Variants in CCDC178 observed in about 807,000 individuals in gnomAD.
The protein encoded by CCDC178 is coiled-coil domain-containing protein 178.
A neutral mutation model predicts 117.4 loss-of-function variants in CCDC178; 126 were observed. The ratio of observed to expected loss-of-function variants is 1.07; its 90% CI spans 0.93 to 1.24. The LOEUF (loss-of-function observed/expected upper bound fraction) is 1.24, where lower values mean the gene tolerates loss of function less well. Ranked by LOEUF, CCDC178 falls within the 50% of genes most tolerant of loss-of-function variation. The pLI is 0.00. For synonymous variants in CCDC178, 283 were observed against 313.4 expected, an observed-to-expected ratio of 0.90 and a Z score of 1.02; for missense variants, 1,030 against 986.9, an observed-to-expected ratio of 1.04 and a Z score of -0.59.
At chr18:32,979,773 T>G (rs1467367723) in intron 21 of CCDC178, among the ~76,000 whole-genome samples, 1 of 152,102 alleles carries the variant, frequency 6.6e-6, no homozygotes, top group Non-Finnish European at 1.5e-5. Flanking sequence ...GAGACAACTG[T>G]GAAACAAGAG....
At chr18:33,061,875 TG>T (rs1181512019) in intron 21 of CCDC178, among the ~76,000 whole-genome samples, 3 of 152,204 alleles carry the variant, frequency 2.0e-5, no homozygotes, top group Admixed American at 1.3e-4. Context: ...TGAAAATCTC[TG>T]ATTCAAATCA....
At chr18:33,394,594 T>C (rs1401010713) in intron 4 of CCDC178, among the ~76,000 whole-genome samples, 1 of 151,860 alleles carries the variant, frequency 6.6e-6, no homozygotes, top group Non-Finnish European at 1.5e-5. Flanking sequence ...AAAGTGTTAA[T>C]GCTCATCAAA....
intron 22 of CCDC178, among the ~76,000 whole-genome samples, chr18:32,968,265 A>T (rs2054857584): frequency 2.0e-5 from 3 of 151,908 alleles, no homozygotes; most frequent in Admixed American, 2.0e-4. Context: ...TCTGTGTCTG[A>T]CTTATTTTAC....
intron 21 of CCDC178, among the ~76,000 whole-genome samples, chr18:33,018,435 T>TA (rs2056042563): frequency 6.6e-6 from 1 of 152,056 alleles, no homozygotes; most frequent in Non-Finnish European, 1.5e-5. Flanking sequence ...AAGAGAAGTG[T>TA]AAAGGTATGT....
chr18:33,402,038 G>A (rs1446218508), intron 3 of CCDC178, among the ~76,000 whole-genome samples: 6 of 152,120 alleles, frequency 3.9e-5, no homozygotes, highest in Non-Finnish European at 8.8e-5. Context: ...AGTTGAATGT[G>A]AGGTACATTT....
intron 12 of CCDC178, among the ~76,000 whole-genome samples, chr18:33,274,624 A>G (rs781067915): frequency 1.4e-4 from 21 of 152,190 alleles, no homozygotes; most frequent in African/African-American, 3.8e-4. Flanking sequence ...CTTGAAAACC[A>G]GGGTCTATTG....
chr18:33,340,371 T>G (rs1196847533), intron 9 of CCDC178, among the ~76,000 whole-genome samples: 1 of 152,144 alleles, frequency 6.6e-6, no homozygotes, highest in African/African-American at 2.4e-5. Flanking sequence ...GCATAAAAGT[T>G]CAGAAAATTT....
intron 20 of CCDC178, among the ~76,000 whole-genome samples, chr18:33,147,171 G>T (rs913445350): frequency 6.4e-5 from 8 of 124,496 alleles, no homozygotes; most frequent in Non-Finnish European, 1.2e-4. Flanking sequence ...GTAAGGAACA[G>T]AAATTTATTT....
At chr18:33,368,318 T>C (rs1355023521) in intron 6 of CCDC178, among the ~76,000 whole-genome samples, 2 of 151,884 alleles carry the variant, frequency 1.3e-5, no homozygotes, top group Admixed American at 6.6e-5. Context: ...AATAGAAAGG[T>C]TCTGTTTTAG....
chr18:32,939,676 AG>A (rs1221021125), intron 22 of CCDC178, among the ~76,000 whole-genome samples: 1 of 152,154 alleles, frequency 6.6e-6, no homozygotes, highest in Non-Finnish European at 1.5e-5. Context: ...GACAACACAC[AG>A]GAAAAATCCA....
At chr18:33,014,004 C>G (rs915848974) in intron 21 of CCDC178, among the ~76,000 whole-genome samples, 3 of 152,120 alleles carry the variant, frequency 2.0e-5, no homozygotes, top group African/African-American at 7.2e-5. Context: ...GAAAATTAAC[C>G]AACATCCTTG....
chr18:33,086,353 C>T (rs542450156), intron 21 of CCDC178, among the ~76,000 whole-genome samples: 38 of 150,054 alleles, frequency 2.5e-4, no homozygotes, highest in Admixed American at 1.1e-3. Context: ...GACATAGTTG[C>T]CTCTTATTCT....
intron 11 of CCDC178, among the ~76,000 whole-genome samples, chr18:33,307,970 T>C (rs1308357159): frequency 6.6e-6 from 1 of 152,208 alleles, no homozygotes; most frequent in Non-Finnish European, 1.5e-5. Flanking sequence ...GGCAGAGCCC[T>C]CATGGAGAAC....
intron 7 of CCDC178, among the ~76,000 whole-genome samples, chr18:33,350,865 A>T (rs2062966992): frequency 6.6e-6 from 1 of 152,008 alleles, no homozygotes; most frequent in Non-Finnish European, 1.5e-5. Context: ...TCGGTATCTA[A>T]ACTATTTTAT....
At position 33,166,862 on chromosome 18, in the gene CCDC178, G is replaced by T. The variant is rs148392221; in HGVS notation, c.2238+45034C>A. 7.6e-3 allele frequency among the ~76,000 whole-genome samples: 1,159 copies of T among 152,248 alleles called. 20 individuals are homozygous for T. Among genetic ancestry groups the T allele is most frequent in the African/African-American group, 0.026 (1,082 of 41,556 alleles). ...TACTTGTCTCAGGGATTGATGAAGA[G>T]ATTATTTTGTTACTCAGGTAATAAG... On this transcript the variant is annotated intron_variant, in intron 20 of 22. Transcript: ENST00000383096.
At chr18:33,392,116 T>C (rs372636949) in intron 4 of CCDC178, among the ~76,000 whole-genome samples, 1 of 151,960 alleles carries the variant, frequency 6.6e-6, no homozygotes, top group South Asian at 2.1e-4. Context: ...CCGCCCGCCT[T>C]GGCCTCCCAA....
intron 20 of CCDC178, among the ~76,000 whole-genome samples, chr18:33,102,701 A>G (rs2057648566): frequency 6.6e-6 from 1 of 151,772 alleles, no homozygotes; most frequent in Non-Finnish European, 1.5e-5. Flanking sequence ...CAGAAATATG[A>G]TATAAAATAT....
At chr18:33,397,326 G>C (rs2063653313) in intron 3 of CCDC178, 118 bp from the exon 4 acceptor site, 1 of 571,302 alleles carries the variant, frequency 1.8e-6, no homozygotes, top group African/African-American at 1.9e-5. Context: ...AGACATATAG[G>C]CTAAATTACA....
At chr18:33,050,721 T>A (rs1453197318) in intron 21 of CCDC178, among the ~76,000 whole-genome samples, 1 of 152,188 alleles carries the variant, frequency 6.6e-6, no homozygotes. Flanking sequence ...TAGAGAGTAA[T>A]GAGGCATTGA....
Sources: allele counts gnomAD v4.1 joint callset (sites outside exome capture counted in the v4.1 genomes callset), GRCh38; gene constraint gnomAD v4.1.1; transcripts MANE v1.5; gene names NCBI Gene and HGNC (gene_info 2026-07-23, HGNC 2026-07-21).